Variants in CD44 observed in about 807,000 individuals in gnomAD.
CD44 encodes CD44 antigen.
In CD44, 49 loss-of-function variants were observed where a neutral mutation model predicts 88.8. The observed-to-expected ratio is 0.55, with a 90% confidence interval of 0.44 to 0.70. CD44 has a LOEUF of 0.70. CD44 is among the 30% of genes least tolerant of loss of function. The pLI, the probability that CD44 is intolerant of heterozygous loss-of-function variation, is 0.00. For synonymous variants in CD44, 325 were observed against 312.3 expected (o/e 1.04, Z -0.43); for missense variants, 883 against 913.8 (o/e 0.97, Z 0.43).
At position 35,230,317 on chromosome 11, in the gene CD44, C is replaced by T. The variant is rs1378389776; in HGVS notation, c.*984C>T. On this transcript the variant is annotated 3_prime_UTR_variant, in exon 18 of 18. Coordinates refer to ENST00000428726, the MANE Select transcript of CD44 (RefSeq NM_000610.4). ...TTCAGCCTCTTTTATGGTTTAATGG[C>T]CACCTGTTCTCTCCTGTGAAAGGCT... 1 of 151,888 alleles carries T rather than the reference C, an allele frequency of 6.6e-6. No homozygotes were observed. The highest frequency in any genetic ancestry group is 2.1e-4 in the South Asian group (1 of 4,828). The allele number at this position is 151,888 out of a possible 1,614,324, so 9.4% of individuals were successfully genotyped here.
chr11:35,223,434 C>T (rs1949462491), intron 17 of CD44: 1 of 281,936 alleles, frequency 3.5e-6, no homozygotes, highest in Non-Finnish European at 5.4e-6. Context: ...TGGATGCTGT[C>T]GACATTTAGG....
intron 1 of CD44, 72 bp from the exon 2 acceptor site, chr11:35,176,503 C>T: frequency 1.4e-6 from 2 of 1,457,432 alleles, no homozygotes; most frequent in Non-Finnish European, 9.4e-7. Context: ...AGGAGTCTGT[C>T]CTAAACTGAA....
intron 1 of CD44, among the ~76,000 whole-genome samples, chr11:35,148,091 CAA>C (rs879293303): frequency 5.7e-5 from 8 of 140,096 alleles, no homozygotes; most frequent in African/African-American, 1.3e-4. Flanking sequence ...AACTCGGTCT[CAA>C]AAAAAAAAAA....
intron 1 of CD44, among the ~76,000 whole-genome samples, chr11:35,165,357 T>A (rs921178790): frequency 6.6e-6 from 1 of 152,210 alleles, no homozygotes; most frequent in Non-Finnish European, 1.5e-5. Flanking sequence ...TGAGTTGAGA[T>A]CTGGGTTTAC....
intron 10 of CD44, chr11:35,205,772 C>T (rs535670544): frequency 2.0e-6 from 2 of 997,868 alleles, no homozygotes; most frequent in East Asian, 2.1e-4. Flanking sequence ...GGCTTTTATA[C>T]TTCTGCCTTT....
chr11:35,192,936 T>C (rs1946412302), intron 5 of CD44, among the ~76,000 whole-genome samples: 1 of 152,146 alleles, frequency 6.6e-6, no homozygotes, highest in Admixed American at 6.5e-5. Flanking sequence ...TATTTCTATC[T>C]TGTTCTTGTA....
At chr11:35,195,837 C>G (rs562578287) in intron 5 of CD44, among the ~76,000 whole-genome samples, 2 of 152,164 alleles carry the variant, frequency 1.3e-5, no homozygotes, top group Admixed American at 1.3e-4. Context: ...GAATGAGACT[C>G]AAAATGTCCT....
At chr11:35,201,558 G>GA in intron 8 of CD44, 113 bp from the exon 9 acceptor site, 1 of 1,334,420 alleles carries the variant, frequency 7.5e-7, no homozygotes, top group Non-Finnish European at 1.0e-6. Flanking sequence ...TGGATGCTCA[G>GA]AGGTAACACT....
intron 5 of CD44, among the ~76,000 whole-genome samples, chr11:35,195,408 T>C (rs1437125596): frequency 6.6e-6 from 1 of 151,634 alleles, no homozygotes; most frequent in Non-Finnish European, 1.5e-5. Context: ...ATGTCTAAGA[T>C]CATGCAGGGG....
intron 14 of CD44, 113 bp from the exon 15 acceptor site, chr11:35,214,739 C>T: frequency 1.9e-6 from 1 of 522,766 alleles, no homozygotes. Context: ...TTTGGAATAC[C>T]TTAAAAAGAC....
chr11:35,174,945 C>T (rs571379842), intron 1 of CD44, among the ~76,000 whole-genome samples: 1 of 152,270 alleles, frequency 6.6e-6, no homozygotes, highest in African/African-American at 2.4e-5. Context: ...TAACCACACA[C>T]ATCAATAGAT....
At chr11:35,171,852 AAGTC>A (rs1943936690) in intron 1 of CD44, among the ~76,000 whole-genome samples, 3 of 152,196 alleles carry the variant, frequency 2.0e-5, no homozygotes, top group South Asian at 2.1e-4. Context: ...AAAAAAAAAA[AAGTC>A]AGAAGGAGTC....
chr11:35,176,033 T>A (rs1944422329), intron 1 of CD44, among the ~76,000 whole-genome samples: 1 of 129,464 alleles, frequency 7.7e-6, no homozygotes, highest in Admixed American at 8.5e-5. Flanking sequence ...CCTGACTAAT[T>A]TTTGTATTTT....
intron 15 of CD44, chr11:35,218,960 G>A: frequency 4.6e-6 from 1 of 216,516 alleles, no homozygotes; most frequent in Admixed American, 5.0e-5. Flanking sequence ...TGTGAAAAGG[G>A]AGACTTGGAG....
intron 17 of CD44, 119 bp downstream of exon 17, chr11:35,221,851 T>C: frequency 2.2e-6 from 2 of 892,356 alleles, no homozygotes; most frequent in Non-Finnish European, 3.7e-6. Context: ...CCTGGGAGTT[T>C]GTTGGAAATG....
intron 11 of CD44, among the ~76,000 whole-genome samples, chr11:35,207,337 G>T (rs1947963176): frequency 3.9e-5 from 6 of 152,254 alleles, no homozygotes; most frequent in Admixed American, 3.9e-4. Context: ...GATGTGGATA[G>T]ACTTTGACTG....
At chr11:35,161,394 C>A (rs1167569003) in intron 1 of CD44, among the ~76,000 whole-genome samples, 1 of 152,152 alleles carries the variant, frequency 6.6e-6, no homozygotes, top group African/African-American at 2.4e-5. Context: ...TCTTTCCGAT[C>A]CAAGCCATAT....
chr11:35,203,753 T>A (rs1478674934), intron 9 of CD44, among the ~76,000 whole-genome samples: 4 of 152,180 alleles, frequency 2.6e-5, no homozygotes, highest in African/African-American at 9.7e-5. Context: ...GACAAAAATG[T>A]TGGTGTCTTT....
chr11:35,229,251 A>T lies in CD44; in HGVS notation c.2147A>T (p.Glu716Val). ...GAAATGGTGCATTTGGTGAACAAGGAGTCGTCAGAAACTCCAGACCAGTTT... is the reference window on the plus strand; with the variant it reads ...GAAATGGTGCATTTGGTGAACAAGGTGTCGTCAGAAACTCCAGACCAGTTT... ...SQEMVHLVNK[E>V]SSETPDQFMT... The change falls in exon 18 of 18, where the codon GAG becomes GTG. Residue 716 changes from glutamate (E) to valine (V), a missense_variant. Transcript: ENST00000428726. The T allele has an allele frequency of 6.2e-7, 1 of 1,614,068 alleles. No homozygotes were observed. The highest frequency in any genetic ancestry group is 8.5e-7 in the Non-Finnish European group (1 of 1,179,918).
Sources: allele counts gnomAD v4.1 joint callset (sites outside exome capture counted in the v4.1 genomes callset), GRCh38; gene constraint gnomAD v4.1.1; transcripts MANE v1.5; gene names NCBI Gene and HGNC (gene_info 2026-07-23, HGNC 2026-07-21).